BCL6B: variants seen among roughly 807,000 people sequenced by gnomAD.
BCL6B encodes the protein B-cell CLL/lymphoma 6 member B protein.
BCL6B carries 28 observed loss-of-function variants against 44.6 expected under a neutral mutation model. The observed-to-expected ratio is 0.63, with a 90% CI of 0.47 to 0.86. The LOEUF is 0.86. Ranked by LOEUF, BCL6B falls within the 40% of genes least tolerant of loss-of-function variation. BCL6B has a pLI of 0.00. For missense variants in BCL6B, 626 were observed against 652.3 expected, an observed-to-expected ratio of 0.96 and a Z score of 0.44; for synonymous variants, 268 against 263.6, an observed-to-expected ratio of 1.02 and a Z score of -0.16.
At chr17:7,023,626 C>T (rs371979086) in intron 1 of BCL6B, 34 bp from the exon 2 acceptor site, 1 of 1,573,386 alleles carries the variant, frequency 6.4e-7, no homozygotes, top group South Asian at 1.2e-5. Context: ...CTTAGGACTG[C>T]CTGGATCCAG....
Position 7,027,603 on chromosome 17 carries a change from T to G in BCL6B, c.1424T>G (p.Ile475Ser), listed in dbSNP as rs534119672. The change falls in exon 9 of 9, where the codon ATT becomes AGT. Residue 475 changes from isoleucine to serine, a missense_variant. Ile to Ser is a moderately radical substitution (Grantham distance 142). Coordinates refer to ENST00000293805, the MANE Select transcript of BCL6B (RefSeq NM_181844.4). ...AATNTKVHYH[I>S]LGGP ...ACCAACACCAAAGTGCACTACCACA[T>G]TCTCGGGGGGCCCTAGCTGAGCGCA... 2 of 1,613,412 alleles carry G rather than the reference T, an allele frequency of 1.2e-6. No individual in the cohort carries two copies. The highest frequency in any genetic ancestry group is 2.7e-5 in the African/African-American group (2 of 75,014).
At position 7,026,933 on chromosome 17, in the gene BCL6B, A is replaced by C. The variant is rs999603731; in HGVS notation, c.1186-17A>C. 1.4e-5 allele frequency: 23 copies of C among 1,611,750 alleles called. No homozygotes were observed. The highest frequency in any genetic ancestry group is 1.9e-5 in the Non-Finnish European group (22 of 1,179,840). On this transcript the variant is annotated splice_polypyrimidine_tract_variant and intron_variant, in intron 7 of 8. Coordinates refer to ENST00000293805, the MANE Select transcript of BCL6B (RefSeq NM_181844.4). ...TGTTCCTCCCAGAGGCAGGACTTGAAGTCTCCTCCCTCCCAGGTGGCACAT... is the reference window on the plus strand; with the variant it reads ...TGTTCCTCCCAGAGGCAGGACTTGACGTCTCCTCCCTCCCAGGTGGCACAT...
rs1225331882 is a variant in BCL6B at position 7,027,688 on chromosome 17, C to T, written c.*69C>T. The T allele has an allele frequency of 6.2e-7, 1 of 1,601,190 alleles. No homozygotes were observed. The highest frequency in any genetic ancestry group is 1.3e-5 in the African/African-American group (1 of 74,650). On this transcript the variant is annotated 3_prime_UTR_variant, in exon 9 of 9. Transcript: ENST00000293805. ...AGCTGCAGGCCCAGGCCTTGCTTCC[C>T]TATCAGGCTTGGGCATAGGGGTGTG... is the stretch of plus-strand genomic sequence containing the variant.
At chr17:7,026,393 T>C in intron 5 of BCL6B, 64 bp from the exon 6 acceptor site, 1 of 1,558,926 alleles carries the variant, frequency 6.4e-7, no homozygotes, top group Non-Finnish European at 8.7e-7. Flanking sequence ...GGTTTGAGGA[T>C]TCAGTAGTAC....
chr17:7,023,291 G>A, intron 1 of BCL6B, 192 bp downstream of exon 1: 1 of 234,446 alleles, frequency 4.3e-6, no homozygotes, highest in Non-Finnish European at 8.4e-6. Flanking sequence ...TGTGTGGACG[G>A]CAGGCCGTGA....
intron 1 of BCL6B, chr17:7,023,431 T>C (rs1910183383): frequency 1.5e-5 from 8 of 528,598 alleles, no homozygotes; most frequent in Non-Finnish European, 2.3e-5. Flanking sequence ...GACGCCGCGG[T>C]GTGGAACCTT....
rs1334248900 is a variant in BCL6B at position 7,026,810 on chromosome 17, A to C, written c.1160A>C (p.Glu387Ala). Residue 387 changes from glutamate to alanine, a missense_variant, in exon 7 of 9, where the codon GAG becomes GCG. Glu to Ala is a moderately radical substitution (Grantham distance 107, BLOSUM62 -1). Coordinates refer to ENST00000293805, the MANE Select transcript of BCL6B (RefSeq NM_181844.4). ...TCGGGAGAGAAGCCGTATAAGTGTG[A>C]GACGTGCGGCTCGCGCTTTGTACAG... ...IHSGEKPYKC[E>A]TCGSRFVQVA... 1.2e-6 allele frequency: 2 copies of C among 1,613,992 alleles called. No homozygotes were observed. The highest frequency in any genetic ancestry group is 8.5e-7 in the Non-Finnish European group (1 of 1,180,032).
At chr17:7,027,251 G>T (rs1421785346) in intron 8 of BCL6B, among the ~76,000 whole-genome samples, 164 bp downstream of exon 8, 12 of 152,158 alleles carry the variant, frequency 7.9e-5, no homozygotes, top group African/African-American at 2.9e-4. Context: ...GTCAGGATGG[G>T]CAGGTATAGA....
rs565982761 is a variant in BCL6B, at chr17:7,029,482, C to T, written c.*1863C>T. 9.5e-7 allele frequency: 1 copy of T among 1,050,352 alleles called. No homozygotes were observed. Among genetic ancestry groups the T allele is most frequent in the South Asian group, 2.8e-5 (1 of 35,462 alleles). 65.1% of individuals were successfully genotyped at this position (1,050,352 alleles called of 1,614,324 possible). A position where few individuals can be genotyped will look rare whatever the true frequency, so the allele number is the denominator to read the frequency against. On this transcript the variant is annotated 3_prime_UTR_variant, in exon 9 of 9. Transcript: ENST00000293805. ...TCTTCCCTCTTTCTCCCCATGGCCC[C>T]ACTGCAGAATTAAAGAAGGAAGAAG...
At chr17:7,025,259 A>C (rs754569453) in intron 5 of BCL6B, 59 bp downstream of exon 5, 1 of 1,599,576 alleles carries the variant, frequency 6.3e-7, no homozygotes, top group Non-Finnish European at 8.5e-7. Flanking sequence ...GTTTGTGCCA[A>C]AAACTCTCCC....
In BCL6B at chr17:7,024,038, C is replaced by T. The variant is rs1910205551; in HGVS notation, c.180-45C>T. 6.3e-7 allele frequency: 1 copy of T among 1,597,222 alleles called. No individual in the cohort carries two copies. Among genetic ancestry groups the T allele is most frequent in the African/African-American group, 1.3e-5 (1 of 74,530 alleles). ...GGCTTCCTGAAGCTGCGCATGTCTC[C>T]CTTGGTTCCCCAGCCCCCAAAGGAC... On this transcript the variant is annotated intron_variant, in intron 2 of 8. Coordinates refer to ENST00000293805, the MANE Select transcript of BCL6B (RefSeq NM_181844.4). This position sits in a 1 kb window ranked among gnomAD's most constrained non-coding sequence, Gnocchi z 6.6.
rs963563626 is a variant in BCL6B at position 7,028,847 on chromosome 17, T to C, written c.*1228T>C. 4.1e-6 allele frequency: 4 copies of C among 985,316 alleles called. No homozygotes were observed. The highest frequency in any genetic ancestry group is 4.8e-6 in the Non-Finnish European group (4 of 829,924). 61.0% of individuals were successfully genotyped at this position (985,316 alleles called of 1,614,324 possible). A position where few individuals can be genotyped will look rare whatever the true frequency, so the allele number is the denominator to read the frequency against. On this transcript the variant is annotated 3_prime_UTR_variant, in exon 9 of 9. Transcript: ENST00000293805. ...TGGGTTTGAATGTTACCTGGGGTTC[T>C]CTCTATTGAGTTGAGCCCCTTCTTC...
intron 8 of BCL6B, among the ~76,000 whole-genome samples, 193 bp downstream of exon 8, chr17:7,027,280 A>G (rs1232954318): frequency 1.3e-5 from 2 of 152,172 alleles, no homozygotes; most frequent in African/African-American, 4.8e-5. Context: ...TCCTGGGCTG[A>G]GCACTGTTTT....
rs1200503525 is a variant in BCL6B, at chr17:7,029,362, A to G, written c.*1743A>G. On this transcript the variant is annotated 3_prime_UTR_variant, in exon 9 of 9. Coordinates refer to ENST00000293805, the MANE Select transcript of BCL6B (RefSeq NM_181844.4). Reference sequence around the variant, plus strand: ...TGATTATGGGACGAGGGTAGAAAGTAAGAAGCACTTTTGAATTTGTGGGGT... The same window carrying G: ...TGATTATGGGACGAGGGTAGAAAGTGAGAAGCACTTTTGAATTTGTGGGGT... The G allele has an allele frequency of 1.0e-6, 1 of 973,008 alleles. No individual in the cohort carries two copies. The highest frequency in any genetic ancestry group is 1.8e-5 in the African/African-American group (1 of 55,888). 60.3% of individuals were successfully genotyped at this position (973,008 alleles called of 1,614,324 possible).
At position 7,028,757 on chromosome 17, in the gene BCL6B, C is replaced by T; in HGVS notation, c.*1138C>T. ...TGAATGTTATGGCCTAGGGAAGAAT[C>T]ATGAAACTCTTTAGCTTGATTAGAT... On this transcript the variant is annotated 3_prime_UTR_variant, in exon 9 of 9. Transcript: ENST00000293805. 6.1e-6 allele frequency: 6 copies of T among 985,452 alleles called. No homozygotes were observed. Among genetic ancestry groups the T allele is most frequent in the Non-Finnish European group, 7.2e-6 (6 of 829,946 alleles). The allele number at this position is 985,452 out of a possible 1,614,324, so 61.0% of individuals were successfully genotyped here. A position where few individuals can be genotyped will look rare whatever the true frequency, so the allele number is the denominator to read the frequency against.
Position 7,024,011 on chromosome 17 carries a change from G to A in BCL6B, c.180-72G>A. On this transcript the variant is annotated intron_variant, in intron 2 of 8. Coordinates refer to ENST00000293805, the MANE Select transcript of BCL6B (RefSeq NM_181844.4). The surrounding 1 kb of genome is among the most constrained non-coding windows in gnomAD (Gnocchi z 6.6). ...AGGAGGCGGGACTTTTTCAGGGGGC[G>A]GGGCTTCCTGAAGCTGCGCATGTCT... The A allele has an allele frequency of 1.3e-6, 2 of 1,553,672 alleles. No homozygotes were observed. The highest frequency in any genetic ancestry group is 1.7e-5 in the Admixed American group (1 of 58,478).
In BCL6B at chr17:7,027,884, T is replaced by C. The variant is rs968084963; in HGVS notation, c.*265T>C. On this transcript the variant is annotated 3_prime_UTR_variant, in exon 9 of 9. Coordinates refer to ENST00000293805, the MANE Select transcript of BCL6B (RefSeq NM_181844.4). Reference sequence around the variant, plus strand: ...GCTAGGGGCTGGGAAAGGGGAGAGATTGGAGTCCTGGTCTCCCTAAGGGAA... The same window carrying C: ...GCTAGGGGCTGGGAAAGGGGAGAGACTGGAGTCCTGGTCTCCCTAAGGGAA... The C allele has an allele frequency of 7.4e-6, 10 of 1,343,002 alleles. No individual in the cohort carries two copies. Among genetic ancestry groups the C allele is most frequent in the African/African-American group, 3.0e-5 (2 of 67,696 alleles). The allele number at this position is 1,343,002 out of a possible 1,614,324, so 83.2% of individuals were successfully genotyped here. A position where few individuals can be genotyped will look rare whatever the true frequency, so the allele number is the denominator to read the frequency against.
rs780269773 is a variant in BCL6B, at chr17:7,026,533, G to A, written c.966G>A (p.Gly322=). The A allele has an allele frequency of 1.2e-6, 2 of 1,614,190 alleles. No individual in the cohort carries two copies. The highest frequency in any genetic ancestry group is 2.2e-5 in the South Asian group (2 of 91,090). ...CSSGLDSLVP[G]DEDKPYKCQL... ...CGGGGCTGGACTCCTTGGTTCCTGGGGACGAAGACAAACCCTATAAGTGTC... is the reference window on the plus strand; with the variant it reads ...CGGGGCTGGACTCCTTGGTTCCTGGAGACGAAGACAAACCCTATAAGTGTC... Residue 322 remains glycine, a synonymous_variant, in exon 6 of 9, where the codon GGG becomes GGA. Transcript: ENST00000293805.
Position 7,029,585 on chromosome 17 carries a change from G to T in BCL6B, c.*1966G>T. The stretch of plus-strand genomic sequence containing the variant: ...GATGGGCAGGTGGAGAATGCCTGGG[G>T]GTAGAAATGTTAGATCTTGCAACAT... On this transcript the variant is annotated 3_prime_UTR_variant, in exon 9 of 9. Transcript: ENST00000293805. The T allele has an allele frequency of 8.7e-7, 1 of 1,155,826 alleles. No homozygotes were observed. The highest frequency in any genetic ancestry group is 1.1e-6 in the Non-Finnish European group (1 of 923,998). The allele number at this position is 1,155,826 out of a possible 1,614,324, so 71.6% of individuals were successfully genotyped here. A position where few individuals can be genotyped will look rare whatever the true frequency, so the allele number is the denominator to read the frequency against.
Sources: gnomAD v4.1 joint callset for allele counts (sites outside exome capture counted in the v4.1 genomes callset) on GRCh38, gnomAD v4.1.1 for gene constraint, Gnocchi (gnomAD v3.1) non-coding constraint, MANE v1.5 for transcripts, NCBI Gene and HGNC (gene_info 2026-07-23, HGNC 2026-07-21) for gene names.